The following CACNA1D variants were observed in gnomAD, a reference collection of about 807,000 sequenced individuals.
CACNA1D encodes voltage-dependent L-type calcium channel subunit alpha-1D.
In CACNA1D, 55 loss-of-function variants were observed where a neutral mutation model predicts 257.1. That is an observed-to-expected ratio of 0.21 (90% CI 0.17 to 0.27). The LOEUF is 0.27. CACNA1D is among the 10% of genes least tolerant of loss of function. CACNA1D has a pLI of 1.00. For synonymous variants in CACNA1D, 980 were observed against 1,014.9 expected (o/e 0.97, Z 0.65); for missense variants, 1,876 against 2,784.0 (o/e 0.67, Z 7.34).
chr3:53,606,537 C>G (rs113379719), intron 3 of CACNA1D, among the ~76,000 whole-genome samples: 2,229 of 152,320 alleles, frequency 0.015, 26 homozygotes, highest in Middle Eastern at 0.027. Context: ...AAATGACAGG[C>G]ACCTAGAATC....
chr3:53,553,806 A>T (rs2092584242), intron 3 of CACNA1D, among the ~76,000 whole-genome samples: 1 of 151,482 alleles, frequency 6.6e-6, no homozygotes, highest in Non-Finnish European at 1.5e-5. Flanking sequence ...AGAGAGTAAA[A>T]ATTAGGACTG....
At chr3:53,593,820 T>C (rs1304936831) in intron 3 of CACNA1D, among the ~76,000 whole-genome samples, 1 of 152,218 alleles carries the variant, frequency 6.6e-6, no homozygotes, top group Non-Finnish European at 1.5e-5. Context: ...ATCTGCCTGC[T>C]ACAGGGCTGG....
chr3:53,654,861 T>A (rs532902126), intron 4 of CACNA1D, among the ~76,000 whole-genome samples: 15 of 151,590 alleles, frequency 9.9e-5, no homozygotes, highest in Admixed American at 1.3e-4. Flanking sequence ...AAATGGAATT[T>A]AAAAAAAACC....
chr3:53,576,431 C>T (rs2093039226), intron 3 of CACNA1D, among the ~76,000 whole-genome samples: 1 of 152,154 alleles, frequency 6.6e-6, no homozygotes. Context: ...CAGAATTACT[C>T]GAGGCCATTG....
chr3:53,753,513 G>A (rs1245804513), intron 28 of CACNA1D, 59 bp from the exon 29 acceptor site: 15 of 1,141,424 alleles, frequency 1.3e-5, no homozygotes, highest in Non-Finnish European at 1.9e-5. Flanking sequence ...GCCTCCATGT[G>A]CAAGCATGTG....
At chr3:53,524,723 A>G (rs1163960708) in intron 3 of CACNA1D, among the ~76,000 whole-genome samples, 1 of 152,190 alleles carries the variant, frequency 6.6e-6, no homozygotes, top group Admixed American at 6.5e-5. Flanking sequence ...GTAAGTTTTC[A>G]GGCTGAATTT....
chr3:53,553,032 A>T (rs3774442), intron 3 of CACNA1D, among the ~76,000 whole-genome samples: 1 of 152,180 alleles, frequency 6.6e-6, no homozygotes, highest in Non-Finnish European at 1.5e-5. Flanking sequence ...TTCAAAAATT[A>T]CTCATAGATA....
chr3:53,718,862 C>A (rs1481617487), intron 10 of CACNA1D: 1 of 853,316 alleles, frequency 1.2e-6, no homozygotes, highest in African/African-American at 1.7e-5. Flanking sequence ...GCTCATGGGA[C>A]CTTCCTAACC....
At chr3:53,610,806 T>C (rs2093573954) in intron 3 of CACNA1D, among the ~76,000 whole-genome samples, 1 of 152,244 alleles carries the variant, frequency 6.6e-6, no homozygotes, top group Non-Finnish European at 1.5e-5. Flanking sequence ...ATGTGTCTTC[T>C]CTGTATACGT....
chr3:53,589,485 C>T (rs543227220), intron 3 of CACNA1D, among the ~76,000 whole-genome samples: 9 of 152,276 alleles, frequency 5.9e-5, no homozygotes, highest in African/African-American at 2.2e-4. Flanking sequence ...TCAAGGTCGG[C>T]CTTGTCCTAG....
chr3:53,742,990 C>G, intron 21 of CACNA1D, 21 bp from the exon 22 acceptor site: 1 of 1,497,774 alleles, frequency 6.7e-7, no homozygotes, highest in Non-Finnish European at 9.3e-7. Flanking sequence ...AATGGTAAAT[C>G]ATCCATGATT....
chr3:53,744,630 C>A, intron 22 of CACNA1D, 110 bp from the exon 23 acceptor site: 1 of 783,028 alleles, frequency 1.3e-6, no homozygotes, highest in Non-Finnish European at 2.3e-6. Flanking sequence ...ATGGATCCCA[C>A]GCTAACTGTG....
Position 53,732,910 on chromosome 3 carries a change from A to G in CACNA1D, c.2569A>G (p.Ile857Val), listed in dbSNP as rs142057539. The change falls in exon 19 of 48, where the codon ATT becomes GTT. Residue 857 changes from isoleucine (I) to valine (V), a missense_variant. Around this residue, in one of 10 missense-constraint regions of CACNA1D, gnomAD observed 271 missense variants for 425.5 expected, o/e 0.64. Coordinates refer to ENST00000350061, the MANE Select transcript of CACNA1D (RefSeq NM_001128840.3). Reference protein sequence around the residue: ...RISELNMKEKIAPIPEGSAFF... With the variant: ...RISELNMKEKVAPIPEGSAFF... ...CTCGGAGTTGAACATGAAGGAAAAA[A>G]TTGCCCCCATCCCTGAAGGGAGCGC... is the stretch of plus-strand genomic sequence containing the variant. 1.2e-6 allele frequency: 2 copies of G among 1,613,946 alleles called. No individual in the cohort carries two copies. Among genetic ancestry groups the G allele is most frequent in the Non-Finnish European group, 1.7e-6 (2 of 1,179,950 alleles).
chr3:53,808,110 A>G (rs193164196), intron 45 of CACNA1D: 79 of 166,382 alleles, frequency 4.7e-4, no homozygotes, highest in Non-Finnish European at 6.4e-4. Flanking sequence ...CAGTTGCCCT[A>G]TGGGCTGCCT....
chr3:53,804,215 A>G (rs960056676), intron 44 of CACNA1D, among the ~76,000 whole-genome samples: 1 of 152,136 alleles, frequency 6.6e-6, no homozygotes, highest in African/African-American at 2.4e-5. Flanking sequence ...GTGAAGTGGA[A>G]GTGGAATGGC....
Position 53,673,778 on chromosome 3 carries a change from A to G in CACNA1D, c.1220+652A>G. 6.2e-7 allele frequency: 1 copy of G among 1,613,858 alleles called. No individual in the cohort carries two copies. Among genetic ancestry groups the G allele is most frequent in the Non-Finnish European group, 8.5e-7 (1 of 1,179,840 alleles). On this transcript the variant is annotated intron_variant, in intron 8 of 47. Transcript: ENST00000350061. The surrounding 1 kb of genome is among the most constrained non-coding windows in gnomAD (Gnocchi z 4.1). The stretch of plus-strand genomic sequence containing the variant: ...TTGTTAGTCTGATCATCCTTGGCTC[A>G]TTTTTCGTCCTTAACCTGGTTCTTG...
intron 3 of CACNA1D, among the ~76,000 whole-genome samples, chr3:53,507,864 ACAACT>A (rs1278632547): frequency 5.3e-5 from 8 of 152,212 alleles, no homozygotes; most frequent in African/African-American, 1.9e-4. Context: ...TTGTGGGAAT[ACAACT>A]CACTCAAATT....
At chr3:53,517,453 C>A (rs1357165666) in intron 3 of CACNA1D, among the ~76,000 whole-genome samples, 3 of 151,892 alleles carry the variant, frequency 2.0e-5, no homozygotes, top group Admixed American at 1.3e-4. Context: ...CAGACAGGAG[C>A]TGCATCACCA....
intron 3 of CACNA1D, among the ~76,000 whole-genome samples, chr3:53,533,496 A>G (rs1447210752): frequency 6.6e-6 from 1 of 152,214 alleles, no homozygotes; most frequent in Non-Finnish European, 1.5e-5. Flanking sequence ...TGTGGTCAGA[A>G]TCAGGGGAGA....
Sources: allele counts gnomAD v4.1 joint callset (sites outside exome capture counted in the v4.1 genomes callset), GRCh38; gene constraint gnomAD v4.1.1; regional missense constraint gnomAD v4.1.1; non-coding constraint Gnocchi (gnomAD v3.1); transcripts MANE v1.5; gene names NCBI Gene and HGNC (gene_info 2026-07-23, HGNC 2026-07-21).